DLGAP2: variants seen among roughly 807,000 people sequenced by gnomAD.
DLGAP2 encodes disks large-associated protein 2.
In DLGAP2, 26 loss-of-function variants were observed where a neutral mutation model predicts 100.3. The observed-to-expected ratio is 0.26, with a 90% CI of 0.19 to 0.36. The LOEUF (loss-of-function observed/expected upper bound fraction) is 0.36, where lower values mean the gene tolerates loss of function less well. DLGAP2 is among the 10% of genes least tolerant of loss of function. DLGAP2 has a pLI of 1.00. For synonymous variants in DLGAP2, 886 were observed against 630.1 expected, an observed-to-expected ratio of 1.41 and a Z score of -6.08; for missense variants, 1,858 against 1,453.2, an observed-to-expected ratio of 1.28 and a Z score of -4.53.
At chr8:1,630,307 G>C (rs544181864) in intron 7 of DLGAP2, among the ~76,000 whole-genome samples, 2 of 152,288 alleles carry the variant, frequency 1.3e-5, no homozygotes, top group South Asian at 4.1e-4. Flanking sequence ...AATTCTGGAA[G>C]GAAGGGGACA....
intron 2 of DLGAP2, among the ~76,000 whole-genome samples, chr8:1,122,738 C>G (rs1256806645): frequency 6.6e-6 from 1 of 152,040 alleles, no homozygotes; most frequent in East Asian, 1.9e-4. Context: ...CTCATTTCCT[C>G]CCTCCCTTCA....
chr8:791,176 A>G (rs1822016879), intron 1 of DLGAP2, among the ~76,000 whole-genome samples: 1 of 152,270 alleles, frequency 6.6e-6, no homozygotes, highest in Non-Finnish European at 1.5e-5. Context: ...AGCTTTAGAA[A>G]GTAAAAGGAA....
intron 3 of DLGAP2, among the ~76,000 whole-genome samples, chr8:1,420,946 T>C (rs1400994335): frequency 2.0e-5 from 3 of 152,190 alleles, no homozygotes; most frequent in Non-Finnish European, 4.4e-5. Context: ...ATTGGCTGTT[T>C]TGAGGCTGTA....
At chr8:801,058 C>G (rs1349943128) in intron 1 of DLGAP2, among the ~76,000 whole-genome samples, 1 of 96,322 alleles carries the variant, frequency 1.0e-5, no homozygotes, top group East Asian at 3.2e-4. Context: ...ATATTAACCT[C>G]TCACCAGATC....
At chr8:1,443,406 G>C (rs995411674) in intron 3 of DLGAP2, among the ~76,000 whole-genome samples, 1 of 152,074 alleles carries the variant, frequency 6.6e-6, no homozygotes, top group Non-Finnish European at 1.5e-5. Context: ...CTTCCCTCTA[G>C]CGGCTGTACA....
intron 1 of DLGAP2, among the ~76,000 whole-genome samples, chr8:819,884 C>A (rs548863424): frequency 6.6e-6 from 1 of 152,076 alleles, no homozygotes; most frequent in Non-Finnish European, 1.5e-5. Flanking sequence ...CATTTCCATG[C>A]GAACCCTTTC....
chr8:1,645,519 C>A (rs1798020794), intron 8 of DLGAP2, among the ~76,000 whole-genome samples: 1 of 152,238 alleles, frequency 6.6e-6, no homozygotes, highest in Middle Eastern at 3.4e-3. Context: ...AATCCCATTG[C>A]AAGTTGAGGA....
At chr8:1,619,736 C>G (rs1415394819) in intron 6 of DLGAP2, 3 of 152,230 alleles carry the variant, frequency 2.0e-5, no homozygotes, top group African/African-American at 7.2e-5. Context: ...TGTCCTGTGA[C>G]TACTGTCCTC....
chr8:1,537,943 A>C (rs1251107229), intron 4 of DLGAP2, among the ~76,000 whole-genome samples: 2 of 152,180 alleles, frequency 1.3e-5, no homozygotes, highest in African/African-American at 4.8e-5. Flanking sequence ...AGATGGATGG[A>C]GTGGCCATAA....
At chr8:1,388,120 G>C (rs1416588398) in intron 3 of DLGAP2, among the ~76,000 whole-genome samples, 5 of 100,510 alleles carry the variant, frequency 5.0e-5, no homozygotes, top group Admixed American at 9.8e-5. Flanking sequence ...GGGAGGCTCT[G>C]GTTCAGGTGT....
intron 1 of DLGAP2, among the ~76,000 whole-genome samples, chr8:749,555 T>A (rs1820740113): frequency 6.6e-6 from 1 of 152,254 alleles, no homozygotes; most frequent in South Asian, 2.1e-4. Context: ...TGTTCCCGTA[T>A]GGAGTGTGAT....
chr8:1,567,679 C>T (rs1016482845), intron 6 of DLGAP2, among the ~76,000 whole-genome samples: 5 of 152,114 alleles, frequency 3.3e-5, no homozygotes, highest in African/African-American at 1.2e-4. Context: ...GAGTCCTGTA[C>T]GAGGCTCCAG....
rs144885637 is a variant in DLGAP2, at chr8:834,466, C to T, written c.19-73446C>T. On this transcript the variant is annotated intron_variant, in intron 1 of 14. Coordinates refer to ENST00000637795, the MANE Select transcript of DLGAP2 (RefSeq NM_001346810.2). ...AGTGCCACAAGCACATCATTCAGGA[C>T]ATTTTTGATAAACAGAATTAGTGCT... Among the ~76,000 whole-genome samples the T allele has an allele frequency of 5.9e-5, 9 of 152,344 alleles. No homozygotes were observed. The East Asian group carries it at 1.7e-3, about 29-fold the overall frequency.
At chr8:872,333 C>CTTTTTTTT (rs1191019452) in intron 1 of DLGAP2, among the ~76,000 whole-genome samples, 1 of 100,154 alleles carries the variant, frequency 1.0e-5, no homozygotes. Flanking sequence ...CACTTCTTTT[C>CTTTTTTTT]TTTTTTTTTT....
At chr8:1,437,376 C>T (rs1416804932) in intron 3 of DLGAP2, among the ~76,000 whole-genome samples, 2 of 152,224 alleles carry the variant, frequency 1.3e-5, no homozygotes, top group Non-Finnish European at 2.9e-5. Context: ...CTGAATGTGC[C>T]CCCTCATTAA....
At chr8:1,225,412 C>T (rs1019686936) in intron 2 of DLGAP2, among the ~76,000 whole-genome samples, 1 of 152,162 alleles carries the variant, frequency 6.6e-6, no homozygotes, top group Non-Finnish European at 1.5e-5. Flanking sequence ...AGGTAATTGC[C>T]AGCGGCAGAA....
chr8:1,688,405 C>G (rs555769431), intron 12 of DLGAP2: 2 of 152,334 alleles, frequency 1.3e-5, no homozygotes, highest in South Asian at 4.1e-4. Context: ...GAGTTACTTG[C>G]TTTTATTAAA....
intron 6 of DLGAP2, among the ~76,000 whole-genome samples, chr8:1,602,064 G>C (rs1040200074): frequency 6.6e-6 from 1 of 151,684 alleles, no homozygotes; most frequent in Non-Finnish European, 1.5e-5. Context: ...TCCCAGACTT[G>C]GGCCATGCAA....
At chr8:1,210,207 G>C (rs529701279) in intron 2 of DLGAP2, among the ~76,000 whole-genome samples, 10 of 152,126 alleles carry the variant, frequency 6.6e-5, no homozygotes, top group Non-Finnish European at 1.3e-4. Context: ...TGTGACAAGG[G>C]TCCCATCCGT....
Sources: gnomAD v4.1 joint callset for allele counts (sites outside exome capture counted in the v4.1 genomes callset) on GRCh38, gnomAD v4.1.1 for gene constraint, MANE v1.5 for transcripts, NCBI Gene and HGNC (gene_info 2026-07-23, HGNC 2026-07-21) for gene names.